ASB14: variants seen among roughly 807,000 people sequenced by gnomAD.
ASB14 encodes ankyrin repeat and SOCS box protein 14.
In ASB14, 63 loss-of-function variants were observed where a neutral mutation model predicts 55.6. The observed-to-expected ratio is 1.13, with a 90% CI of 0.92 to 1.40. The LOEUF is 1.40. Among genes scored for constraint, ASB14 ranks in the 40% most tolerant of loss-of-function variants. The pLI, the probability that ASB14 is intolerant of heterozygous loss-of-function variation, is 0.00. For synonymous variants in ASB14, 256 were observed against 259.9 expected (o/e 0.98, Z 0.15); for missense variants, 724 against 710.4 (o/e 1.02, Z -0.22).
chr3:57,279,450 C>T (rs2061020310), intron 7 of ASB14, among the ~76,000 whole-genome samples: 2 of 151,700 alleles, frequency 1.3e-5, no homozygotes, highest in South Asian at 4.2e-4. Context: ...CCTGTAATCC[C>T]AGCACTTTGG....
chr3:57,290,963 C>G lies in ASB14; in HGVS notation c.122+949G>C, dbSNP rs897682487. 4.6e-5 allele frequency among the ~76,000 whole-genome samples: 7 copies of G among 152,332 alleles called. No individual in the cohort carries two copies. The South Asian group carries it at 1.5e-3, about 32-fold the overall frequency. On this transcript the variant is annotated intron_variant, in intron 2 of 10. Transcript: ENST00000487349. ...GACTTTAGAATCAGACTGCCTTGCT[C>G]TTCACTTACTAGTTCTGTGACCTTG...
chr3:57,286,836 C>T (rs1309371399), intron 5 of ASB14, among the ~76,000 whole-genome samples: 1 of 152,160 alleles, frequency 6.6e-6, no homozygotes, highest in Non-Finnish European at 1.5e-5. Flanking sequence ...TGTCTGTTCT[C>T]TCATTCCTCT....
intron 6 of ASB14, among the ~76,000 whole-genome samples, chr3:57,282,797 C>T (rs545086591): frequency 1.6e-3 from 249 of 152,292 alleles, no homozygotes; most frequent in African/African-American, 5.8e-3. Flanking sequence ...AATTTCCTAA[C>T]ATCTAAAGCC....
chr3:57,270,397 G>C (rs1579410900), intron 10 of ASB14: 1 of 152,474 alleles, frequency 6.6e-6, no homozygotes. Flanking sequence ...TCTCAGGTTG[G>C]GACTTCAATT....
intron 8 of ASB14, 142 bp from the exon 9 acceptor site, chr3:57,278,062 C>T (rs575222387): frequency 1.4e-5 from 10 of 703,640 alleles, no homozygotes; most frequent in Non-Finnish European, 2.3e-5. Context: ...TGGTAGTGGT[C>T]AACTGTACTT....
chr3:57,276,524 A>T lies in ASB14; in HGVS notation c.*22+4T>A, dbSNP rs149098503. 1 of 1,575,086 alleles carries T rather than the reference A, an allele frequency of 6.3e-7. No homozygotes were observed. The highest frequency in any genetic ancestry group is 1.7e-4 in the Middle Eastern group (1 of 5,928). On this transcript the variant is annotated splice_donor_region_variant and intron_variant, in intron 10 of 10. Transcript: ENST00000487349. Reference sequence around the variant, plus strand: ...TTTTAAGGAATACAGCTGCAAAATTATACCTTTTCCATTAGAATGGTTTGA... The same window carrying T: ...TTTTAAGGAATACAGCTGCAAAATTTTACCTTTTCCATTAGAATGGTTTGA...
chr3:57,279,638 C>T (rs1468497199), intron 7 of ASB14, among the ~76,000 whole-genome samples: 3 of 151,788 alleles, frequency 2.0e-5, no homozygotes, highest in Admixed American at 6.6e-5. Context: ...GCGGAGGTTG[C>T]GGTCAGCCGA....
intron 9 of ASB14, among the ~76,000 whole-genome samples, chr3:57,277,262 CAAAAA>C (rs567523418): frequency 8.7e-6 from 1 of 115,268 alleles, no homozygotes; most frequent in Non-Finnish European, 1.9e-5. Flanking sequence ...GACTCTGTCT[CAAAAA>C]AAAAAAAAAA....
intron 5 of ASB14, among the ~76,000 whole-genome samples, chr3:57,284,124 G>GTGTGTGTGTGTT (rs1166961588): frequency 2.0e-5 from 3 of 147,126 alleles, no homozygotes; most frequent in African/African-American, 5.1e-5. Flanking sequence ...GTGTGTGTGT[G>GTGTGTGTGTGTT]TATGTATGTA....
intron 3 of ASB14, among the ~76,000 whole-genome samples, chr3:57,288,708 C>CCTTTTT (rs2061101620): frequency 9.8e-6 from 1 of 102,394 alleles, no homozygotes; most frequent in African/African-American, 3.4e-5. Flanking sequence ...CATATCTTTC[C>CCTTTTT]TTTTTTTTTT....
At chr3:57,289,944 G>A (rs756477330) in intron 2 of ASB14, among the ~76,000 whole-genome samples, 7 of 152,010 alleles carry the variant, frequency 4.6e-5, no homozygotes, top group Non-Finnish European at 8.8e-5. Context: ...ACCACACCCG[G>A]CCACCTTCCA....
chr3:57,279,542 T>C (rs936281969), intron 7 of ASB14, among the ~76,000 whole-genome samples: 1 of 151,816 alleles, frequency 6.6e-6, no homozygotes, highest in African/African-American at 2.4e-5. Context: ...CTACTAAAAA[T>C]ACAAAAATTA....
intron 4 of ASB14, 47 bp downstream of exon 4, chr3:57,288,108 T>C: frequency 1.3e-6 from 2 of 1,535,458 alleles, no homozygotes; most frequent in Non-Finnish European, 8.7e-7. Flanking sequence ...GAAATGAATG[T>C]TAAATTTATC....
At chr3:57,274,745 TA>T (rs1237160049) in intron 10 of ASB14, among the ~76,000 whole-genome samples, 1 of 152,134 alleles carries the variant, frequency 6.6e-6, no homozygotes, top group African/African-American at 2.4e-5. Flanking sequence ...AAATTTAACG[TA>T]ACTGCCATCG....
intron 10 of ASB14, chr3:57,272,484 T>TTTGAG (rs1415975388): frequency 6.6e-6 from 1 of 152,152 alleles, no homozygotes; most frequent in Non-Finnish European, 1.5e-5. Flanking sequence ...GGTAAAGGCA[T>TTTGAG]TTGAGTTAAT....
intron 2 of ASB14, among the ~76,000 whole-genome samples, chr3:57,289,687 C>CTTTTTTTTTTT (rs34419265): frequency 1.2e-4 from 12 of 100,338 alleles, no homozygotes; most frequent in Admixed American, 2.9e-4. Flanking sequence ...ACCTTCCATT[C>CTTTTTTTTTTT]TTTTTTTTTT....
At chr3:57,288,864 G>C (rs1579437955) in intron 3 of ASB14, 2 of 403,758 alleles carry the variant, frequency 5.0e-6, no homozygotes, top group Non-Finnish European at 8.9e-6. Context: ...ACAGGCGCCC[G>C]CCACCATGCC....
intron 7 of ASB14, 38 bp downstream of exon 7, chr3:57,280,264 C>A (rs1307834694): frequency 1.6e-5 from 21 of 1,319,928 alleles, no homozygotes; most frequent in Non-Finnish European, 1.7e-5. Context: ...GTAGCTATTA[C>A]TGTTTTTATT....
intron 4 of ASB14, 33 bp downstream of exon 4, chr3:57,288,122 C>T (rs573379448): frequency 6.5e-7 from 1 of 1,535,974 alleles, no homozygotes; most frequent in Non-Finnish European, 8.7e-7. Flanking sequence ...ATTTATCTCT[C>T]AGAAGCATCA....
Sources: allele counts gnomAD v4.1 joint callset (sites outside exome capture counted in the v4.1 genomes callset), GRCh38; gene constraint gnomAD v4.1.1; transcripts MANE v1.5; gene names NCBI Gene and HGNC (gene_info 2026-07-23, HGNC 2026-07-21).